Variants in ATP11B observed in about 807,000 individuals in gnomAD.
ATP11B encodes phospholipid-transporting ATPase IF.
ATP11B carries 81 observed loss-of-function variants against 157.8 expected under a neutral mutation model. That is an observed-to-expected ratio of 0.51 (90% CI 0.43 to 0.62). The LOEUF (loss-of-function observed/expected upper bound fraction) is 0.62. ATP11B is among the 20% of genes least tolerant of loss of function. The probability of loss-of-function intolerance (pLI) is 0.00; values close to 1 mark genes in which losing one functional copy is unlikely to be tolerated. For missense variants in ATP11B, 1,165 were observed against 1,402.2 expected, an observed-to-expected ratio of 0.83 and a Z score of 2.70; for synonymous variants, 451 against 469.4, an observed-to-expected ratio of 0.96 and a Z score of 0.51.
intron 15 of ATP11B, among the ~76,000 whole-genome samples, chr3:182,868,737 A>G (rs552228789): frequency 6.6e-6 from 1 of 152,302 alleles, no homozygotes; most frequent in East Asian, 1.9e-4. Context: ...TTGCTCTGCC[A>G]CTCACAAGCT....
At position 182,916,832 on chromosome 3, in the gene ATP11B, C is replaced by T. The variant is rs952303695; in HGVS notation, c.3453-1191C>T. The T allele has an allele frequency of 3.2e-5, 32 of 984,722 alleles. No individual in the cohort carries two copies. The African/African-American group carries it at 3.7e-4, about 11-fold the overall frequency. 61.0% of individuals were successfully genotyped at this position (984,722 alleles called of 1,614,324 possible). A position where few individuals can be genotyped will look rare whatever the true frequency, so the allele number is the denominator to read the frequency against. On this transcript the variant is annotated intron_variant, in intron 29 of 29. Transcript: ENST00000323116. Reference sequence around the variant, plus strand: ...CAGTTTGGAATTGGACATCTGACTCCGGATAATTGGAGTACTGATAGCTGT... The same window carrying T: ...CAGTTTGGAATTGGACATCTGACTCTGGATAATTGGAGTACTGATAGCTGT...
At chr3:182,897,259 C>A (rs1723615723) in intron 26 of ATP11B, 44 bp from the exon 27 acceptor site, 1 of 1,120,504 alleles carries the variant, frequency 8.9e-7, no homozygotes. Context: ...TAAGGTAAAG[C>A]TTTATTTGTT....
Position 182,857,954 on chromosome 3 carries a change from A to C in ATP11B, c.928A>C (p.Thr310Pro), listed in dbSNP as rs144357335. 8 of 1,609,570 alleles carry C rather than the reference A, an allele frequency of 5.0e-6. No homozygotes were observed. The African/African-American group carries it at 1.1e-4, about 21-fold the overall frequency. ...EAVISTILKY[T>P]WQAEEKWDEP... ...TGTCATCAGCACTATCTTGAAGTAT[A>C]CATGGCAAGCTGAAGAAAAATGGGA... The change falls in exon 11 of 30, where the codon ACA becomes CCA. Residue 310 changes from threonine to proline, a missense_variant. By Grantham distance (38) the Thr-to-Pro change is conservative. Transcript: ENST00000323116.
At chr3:182,843,282 A>G (rs376533401) in intron 8 of ATP11B, among the ~76,000 whole-genome samples, 2 of 152,216 alleles carry the variant, frequency 1.3e-5, no homozygotes, top group Non-Finnish European at 2.9e-5. Context: ...CCATGAAATG[A>G]TATCAGAATA....
At chr3:182,864,462 G>C (rs1009078502) in intron 12 of ATP11B, among the ~76,000 whole-genome samples, 1 of 151,946 alleles carries the variant, frequency 6.6e-6, no homozygotes, top group Non-Finnish European at 1.5e-5. Context: ...TATCATGAAG[G>C]GTATTGGATT....
At chr3:182,868,638 A>C (rs1352762614) in intron 15 of ATP11B, among the ~76,000 whole-genome samples, 1 of 152,108 alleles carries the variant, frequency 6.6e-6, no homozygotes, top group African/African-American at 2.4e-5. Flanking sequence ...TGTGTTTGTC[A>C]GGTGTATTAG....
At chr3:182,845,430 CT>C in intron 8 of ATP11B, 27 bp from the exon 9 acceptor site, 1 of 1,574,148 alleles carries the variant, frequency 6.4e-7, no homozygotes, top group South Asian at 1.2e-5. Flanking sequence ...ATATTCAGTG[CT>C]TTATGGTTAT....
chr3:182,872,269 T>C, intron 17 of ATP11B, 87 bp from the exon 18 acceptor site: 1 of 911,988 alleles, frequency 1.1e-6, no homozygotes, highest in South Asian at 1.8e-5. Flanking sequence ...GTACTAGGTC[T>C]TCAGTGTATT....
At chr3:182,813,873 A>G (rs75724444) in intron 1 of ATP11B, among the ~76,000 whole-genome samples, 5,284 of 151,810 alleles carry the variant, frequency 0.035, 316 homozygotes, top group African/African-American at 0.12. Context: ...AACTATAGAC[A>G]CATGCTACCC....
intron 21 of ATP11B, among the ~76,000 whole-genome samples, chr3:182,883,750 T>G (rs1245671512): frequency 1.3e-5 from 2 of 149,846 alleles, no homozygotes; most frequent in Non-Finnish European, 3.0e-5. Flanking sequence ...GGTCAGGAGA[T>G]CGAGACCATC....
Position 182,849,721 on chromosome 3 carries a change from G to T in ATP11B, c.851+1164G>T, listed in dbSNP as rs185874333. On this transcript the variant is annotated intron_variant, in intron 10 of 29. Transcript: ENST00000323116. Reference sequence around the variant, plus strand: ...CAGTCGAAGAATGGAGAGGAAAAAAGATTAGGAAAAATGAACAGAGCTTCA... The same window carrying T: ...CAGTCGAAGAATGGAGAGGAAAAAATATTAGGAAAAATGAACAGAGCTTCA... Among the ~76,000 whole-genome samples the T allele has an allele frequency of 6.3e-3, 959 of 152,218 alleles. 5 individuals carry two copies. Among genetic ancestry groups the T allele is most frequent in the Middle Eastern group, 0.01 (3 of 294 alleles).
chr3:182,833,103 T>G (rs73883908), intron 4 of ATP11B, among the ~76,000 whole-genome samples: 4,913 of 152,174 alleles, frequency 0.032, 279 homozygotes, highest in African/African-American at 0.11. Flanking sequence ...AATAAAACAT[T>G]TGGATTACTA....
intron 1 of ATP11B, among the ~76,000 whole-genome samples, chr3:182,794,480 G>A (rs1262226717): frequency 1.3e-5 from 2 of 151,954 alleles, no homozygotes; most frequent in East Asian, 1.9e-4. Flanking sequence ...ACCCCACCCC[G>A]AGTGAAACTT....
intron 23 of ATP11B, among the ~76,000 whole-genome samples, chr3:182,886,474 T>G (rs575667259): frequency 6.8e-4 from 104 of 152,154 alleles, no homozygotes; most frequent in African/African-American, 2.2e-3. Context: ...GCACCTAGAG[T>G]ATATTGAAAA....
At position 182,841,997 on chromosome 3, in the gene ATP11B, A is replaced by AAAAAAAAGGATGGTG; in HGVS notation, c.657-78_657-77insAAAAAAAGGATGGTG. 4.4e-6 allele frequency: 4 copies of AAAAAAAAGGATGGTG among 911,620 alleles called. No homozygotes were observed. In the South Asian group the frequency reaches 4.6e-5, roughly 11 times the overall value. 56.5% of individuals were successfully genotyped at this position (911,620 alleles called of 1,614,324 possible). A position where few individuals can be genotyped will look rare whatever the true frequency, so the allele number is the denominator to read the frequency against. On this transcript the variant is annotated intron_variant, in intron 7 of 29. Coordinates refer to ENST00000323116, the MANE Select transcript of ATP11B (RefSeq NM_014616.3). ...CGTCTCAAAAAAAAAAAAAAAAAAA[A>AAAAAAAAGGATGGTG]CAAAGGATGGTGCAAAAAAACAGCC...
chr3:182,817,733 A>G (rs1239643389), intron 1 of ATP11B, among the ~76,000 whole-genome samples: 1 of 152,164 alleles, frequency 6.6e-6, no homozygotes, highest in East Asian at 1.9e-4. Context: ...TTTATATGTT[A>G]ATATAAATTC....
rs866661524 is a variant in ATP11B, at chr3:182,835,629, A to G, written c.316-406A>G. Among the ~76,000 whole-genome samples the G allele has an allele frequency of 7.2e-5, 11 of 152,276 alleles. No individual in the cohort carries two copies. In the South Asian group the frequency reaches 1.2e-3, roughly 17 times the overall value. ...TGAGATATTAATAAAGCAATTAGGT[A>G]TTCAAGTTTGGAGTTCAAAAGAGAT... On this transcript the variant is annotated intron_variant, in intron 4 of 29. Transcript: ENST00000323116.
intron 1 of ATP11B, among the ~76,000 whole-genome samples, chr3:182,801,175 G>A (rs1318214094): frequency 6.6e-6 from 1 of 152,080 alleles, no homozygotes; most frequent in Non-Finnish European, 1.5e-5. Flanking sequence ...AATCATACTT[G>A]TTTCTCTTTA....
intron 29 of ATP11B, chr3:182,916,769 GC>G: frequency 1.0e-6 from 1 of 985,084 alleles, no homozygotes; most frequent in South Asian, 4.7e-5. Context: ...TTCTGTGTAA[GC>G]AATGTGGAAA....
Sources: gnomAD v4.1 joint callset for allele counts (sites outside exome capture counted in the v4.1 genomes callset) on GRCh38, gnomAD v4.1.1 for gene constraint, MANE v1.5 for transcripts, NCBI Gene and HGNC (gene_info 2026-07-23, HGNC 2026-07-21) for gene names.